The following HBP1 variants were observed in gnomAD, a reference collection of about 807,000 sequenced individuals.
The protein encoded by HBP1 is HMG box-containing protein 1.
HBP1 carries 20 observed loss-of-function variants against 62.6 expected under a neutral mutation model. The observed-to-expected ratio is 0.32, with a 90% confidence interval of 0.22 to 0.46. The LOEUF (loss-of-function observed/expected upper bound fraction) is 0.46, where lower values mean the gene tolerates loss of function less well. HBP1 is among the 20% of genes least tolerant of loss of function. The pLI is 1.00. For missense variants in HBP1, 480 were observed against 611.8 expected (o/e 0.78, Z 2.27); for synonymous variants, 232 against 206.2 (o/e 1.12, Z -1.07).
chr7:107,192,067 C>T (rs1797678294), intron 8 of HBP1, among the ~76,000 whole-genome samples: 1 of 152,082 alleles, frequency 6.6e-6, no homozygotes, highest in Non-Finnish European at 1.5e-5. Flanking sequence ...GCTGTGACAA[C>T]ATATATGAAA....
At chr7:107,172,765 A>T (rs896428741) in intron 1 of HBP1, among the ~76,000 whole-genome samples, 12 of 152,028 alleles carry the variant, frequency 7.9e-5, no homozygotes, top group African/African-American at 2.7e-4. Context: ...ACTTATTTTT[A>T]AAAATTTTTT....
chr7:107,191,878 GAATTC>G (rs1306151398), intron 8 of HBP1, among the ~76,000 whole-genome samples: 1 of 152,140 alleles, frequency 6.6e-6, no homozygotes, highest in Non-Finnish European at 1.5e-5. Context: ...TTTGCTCAGA[GAATTC>G]ACAAGACTCT....
intron 6 of HBP1, among the ~76,000 whole-genome samples, chr7:107,188,232 A>G (rs1375054054): frequency 6.6e-6 from 1 of 152,220 alleles, no homozygotes; most frequent in East Asian, 1.9e-4. Flanking sequence ...CATGAATATC[A>G]GTCAGTTCTT....
intron 6 of HBP1, among the ~76,000 whole-genome samples, chr7:107,188,911 GTA>G (rs1797513560): frequency 6.6e-6 from 1 of 151,986 alleles, no homozygotes; most frequent in African/African-American, 2.4e-5. Context: ...AACTCACCTT[GTA>G]TTTTTAGCAA....
intron 2 of HBP1, among the ~76,000 whole-genome samples, chr7:107,181,210 T>C (rs576344544): frequency 7.9e-5 from 12 of 152,288 alleles, no homozygotes; most frequent in African/African-American, 2.6e-4. Context: ...TGGCTTGGCA[T>C]GATGGTTCAC....
chr7:107,186,152 T>C (rs1797352077), intron 4 of HBP1, among the ~76,000 whole-genome samples: 1 of 143,918 alleles, frequency 6.9e-6, no homozygotes, highest in Admixed American at 6.9e-5. Context: ...TGTGTCTTTT[T>C]TTTCTTTTTT....
At position 107,171,073 on chromosome 7, in the gene HBP1, A is replaced by ATATATTTTTTT; in HGVS notation, c.-16+1889_-16+1890insATATTTTTTTT. On this transcript the variant is annotated intron_variant, in intron 1 of 10. Coordinates refer to ENST00000222574, the MANE Select transcript of HBP1 (RefSeq NM_012257.4). The stretch of plus-strand genomic sequence containing the variant: ...TATATATATATATATATATATATAT[A>ATATATTTTTTT]TTTTTTTTTTTTTTTGAGAGGGAGT... Among the ~76,000 whole-genome samples, 47 of 87,200 alleles carry ATATATTTTTTT rather than the reference A, an allele frequency of 5.4e-4. 4 individuals are homozygous for ATATATTTTTTT. Among genetic ancestry groups the ATATATTTTTTT allele is most frequent in the Middle Eastern group, 8.6e-3 (1 of 116 alleles). The allele number at this position is 87,200 out of a possible 152,430, so 57.2% of individuals were successfully genotyped here. A position where few individuals can be genotyped will look rare whatever the true frequency, so the allele number is the denominator to read the frequency against.
chr7:107,174,248 T>C (rs1796734075), intron 1 of HBP1, among the ~76,000 whole-genome samples: 1 of 152,232 alleles, frequency 6.6e-6, no homozygotes, highest in Non-Finnish European at 1.5e-5. Flanking sequence ...TGTCTTGAAG[T>C]GTAGCTTCTC....
intron 9 of HBP1, 79 bp from the exon 10 acceptor site, chr7:107,200,081 T>C: frequency 8.7e-7 from 1 of 1,151,460 alleles, no homozygotes; most frequent in East Asian, 2.6e-5. Context: ...TTCACATTTT[T>C]CTCCTGAAGT....
chr7:107,183,384 A>G (rs886555337), intron 3 of HBP1, among the ~76,000 whole-genome samples: 4 of 152,234 alleles, frequency 2.6e-5, no homozygotes, highest in African/African-American at 9.6e-5. Flanking sequence ...TAAACTTATT[A>G]GGTATGAAAT....
rs369538455 is a variant in HBP1, at chr7:107,188,541, T to C, written c.766-751T>C. On this transcript the variant is annotated intron_variant, in intron 6 of 10. Coordinates refer to ENST00000222574, the MANE Select transcript of HBP1 (RefSeq NM_012257.4). ...TTTGTCTCCTTTGTTTTTCTGTGAA[T>C]GTAAGGGTAAGGATCATGTTTGTTA... 5.3e-5 allele frequency among the ~76,000 whole-genome samples: 8 copies of C among 152,324 alleles called. No individual in the cohort carries two copies. The East Asian group carries it at 7.7e-4, about 15-fold the overall frequency.
At chr7:107,173,787 A>C (rs1351690391) in intron 1 of HBP1, among the ~76,000 whole-genome samples, 1 of 152,244 alleles carries the variant, frequency 6.6e-6, no homozygotes, top group African/African-American at 2.4e-5. Context: ...TCTGGAAAAT[A>C]GATACTGAGA....
rs1798392631 is a variant in HBP1 at position 107,202,317 on chromosome 7, AGAG to A, written c.*887_*889del. 6.6e-6 allele frequency: 1 copy of A among 152,662 alleles called. No homozygotes were observed. Among genetic ancestry groups the A allele is most frequent in the Non-Finnish European group, 1.5e-5 (1 of 68,034 alleles). The allele number at this position is 152,662 out of a possible 1,614,324, so 9.5% of individuals were successfully genotyped here. A position where few individuals can be genotyped will look rare whatever the true frequency, so the allele number is the denominator to read the frequency against. ...AATTTTCCTCCAACTGTCTAAAATT[AGAG>A]CAAATACATTGGCAATACAGCTGCT... is the stretch of plus-strand genomic sequence containing the variant. On this transcript the variant is annotated 3_prime_UTR_variant, in exon 11 of 11. Transcript: ENST00000222574.
intron 9 of HBP1, 135 bp from the exon 10 acceptor site, chr7:107,200,025 A>C: frequency 6.3e-6 from 4 of 630,326 alleles, no homozygotes; most frequent in Non-Finnish European, 1.0e-5. Flanking sequence ...TATGGCCTTG[A>C]CCTTTTCCCA....
intron 4 of HBP1, 50 bp from the exon 5 acceptor site, chr7:107,186,311 A>G: frequency 9.3e-7 from 1 of 1,076,092 alleles, no homozygotes; most frequent in South Asian, 1.3e-5. Context: ...AGATATTAAA[A>G]GGTATATTTT....
intron 8 of HBP1, among the ~76,000 whole-genome samples, chr7:107,191,548 T>C (rs1429108938): frequency 2.6e-5 from 4 of 152,162 alleles, no homozygotes; most frequent in Admixed American, 6.5e-5. Context: ...GCAAGTAAGT[T>C]TGTAGCTGTA....
intron 1 of HBP1, among the ~76,000 whole-genome samples, chr7:107,176,998 G>A (rs1372795064): frequency 1.3e-5 from 2 of 152,128 alleles, no homozygotes; most frequent in East Asian, 1.9e-4. Flanking sequence ...TCCTAGGGAG[G>A]AGACTGTTGA....
intron 6 of HBP1, among the ~76,000 whole-genome samples, chr7:107,188,170 T>A (rs914539535): frequency 6.6e-5 from 10 of 152,226 alleles, no homozygotes; most frequent in African/African-American, 2.4e-4. Flanking sequence ...TTTGCCAATC[T>A]ATGTCTATAG....
At chr7:107,170,926 T>TATATATAAAATATATAACATATAC (rs1474507400) in intron 1 of HBP1, among the ~76,000 whole-genome samples, 6 of 147,008 alleles carry the variant, frequency 4.1e-5, no homozygotes, top group African/African-American at 1.2e-4. Context: ...TACATATGTA[T>TATATATAAAATATATAACATATAC]ATGTATAAAA....
Sources: gnomAD v4.1 joint callset for allele counts (sites outside exome capture counted in the v4.1 genomes callset) on GRCh38, gnomAD v4.1.1 for gene constraint, MANE v1.5 for transcripts, NCBI Gene and HGNC (gene_info 2026-07-23, HGNC 2026-07-21) for gene names.